The following HCN1 variants were observed in gnomAD, a reference collection of about 807,000 sequenced individuals.
The protein encoded by HCN1 is potassium/sodium hyperpolarization-activated cyclic nucleotide-gated channel 1.
In HCN1, 13 loss-of-function variants were observed where a neutral mutation model predicts 78.9. The observed-to-expected ratio is 0.16, with a 90% CI of 0.11 to 0.26. The LOEUF (loss-of-function observed/expected upper bound fraction) is 0.26. HCN1 is among the 10% of genes least tolerant of loss of function. The probability of loss-of-function intolerance (pLI) is 1.00; values close to 1 mark genes in which losing one functional copy is unlikely to be tolerated. For missense variants in HCN1, 810 were observed against 1,154.3 expected, an observed-to-expected ratio of 0.70 and a Z score of 4.32; for synonymous variants, 552 against 455.5, an observed-to-expected ratio of 1.21 and a Z score of -2.70.
At chr5:45,656,612 T>A (rs1165236615) in intron 1 of HCN1, among the ~76,000 whole-genome samples, 1 of 152,188 alleles carries the variant, frequency 6.6e-6, no homozygotes, top group Non-Finnish European at 1.5e-5. Context: ...ATGCTTTAGA[T>A]GTTATAATAT....
At chr5:45,330,868 T>A (rs1746329878) in intron 5 of HCN1, among the ~76,000 whole-genome samples, 1 of 151,184 alleles carries the variant, frequency 6.6e-6, no homozygotes, top group Non-Finnish European at 1.5e-5. Flanking sequence ...CTCAAAAGTA[T>A]GGGTTGCTTA....
chr5:45,644,356 G>A (rs1161719589), intron 2 of HCN1: 1 of 152,080 alleles, frequency 6.6e-6, no homozygotes, highest in African/African-American at 2.4e-5. Flanking sequence ...AGAAAAGGAA[G>A]TCAAAATGGT....
intron 4 of HCN1, among the ~76,000 whole-genome samples, chr5:45,378,087 A>G (rs1230630412): frequency 6.6e-6 from 1 of 151,984 alleles, no homozygotes; most frequent in Non-Finnish European, 1.5e-5. Flanking sequence ...ACTGGAGGGC[A>G]CCACAGAGAT....
At chr5:45,329,684 T>C (rs1746306659) in intron 5 of HCN1, among the ~76,000 whole-genome samples, 1 of 151,422 alleles carries the variant, frequency 6.6e-6, no homozygotes. Context: ...TTGGAATCTT[T>C]TTTAAATTAA....
intron 1 of HCN1, among the ~76,000 whole-genome samples, chr5:45,672,643 C>T (rs1031416172): frequency 2.0e-5 from 3 of 149,646 alleles, no homozygotes; most frequent in African/African-American, 7.3e-5. Flanking sequence ...AGACGGTTGC[C>T]ATATTTAATA....
chr5:45,344,939 C>G (rs559915786), intron 5 of HCN1, among the ~76,000 whole-genome samples: 30 of 152,188 alleles, frequency 2.0e-4, no homozygotes, highest in Admixed American at 1.9e-3. Context: ...GGGGTTCTGA[C>G]CTCACATTTC....
intron 5 of HCN1, among the ~76,000 whole-genome samples, chr5:45,339,471 T>G (rs1352574960): frequency 6.6e-6 from 1 of 152,078 alleles, no homozygotes; most frequent in African/African-American, 2.4e-5. Context: ...TCAATAATAC[T>G]CTATAGATGA....
rs147460877 is a variant in HCN1, at chr5:45,562,133, G to T, written c.849+83052C>A. ...ACTCCCAAATTTGTGGCTGGCATTT[G>T]AAGTGATAACAGTTTTCTTGGTGGC... is the stretch of plus-strand genomic sequence containing the variant. On this transcript the variant is annotated intron_variant, in intron 2 of 7. Coordinates refer to ENST00000303230, the MANE Select transcript of HCN1 (RefSeq NM_021072.4). 3.1e-4 allele frequency among the ~76,000 whole-genome samples: 47 copies of T among 152,174 alleles called. 1 individual carries two copies. The East Asian group carries it at 7.0e-3, about 23-fold the overall frequency.
At chr5:45,331,536 T>G (rs1477200297) in intron 5 of HCN1, among the ~76,000 whole-genome samples, 2 of 151,366 alleles carry the variant, frequency 1.3e-5, no homozygotes, top group Non-Finnish European at 3.0e-5. Flanking sequence ...CTTATTAATA[T>G]TTTACTTCAC....
chr5:45,611,702 T>C (rs1744841202), intron 2 of HCN1, among the ~76,000 whole-genome samples: 1 of 152,160 alleles, frequency 6.6e-6, no homozygotes, highest in Non-Finnish European at 1.5e-5. Flanking sequence ...AGAGAAGATA[T>C]TCAAATATGA....
At chr5:45,556,758 ATTCT>A (rs886846565) in intron 2 of HCN1, among the ~76,000 whole-genome samples, 6 of 151,778 alleles carry the variant, frequency 4.0e-5, no homozygotes, top group Admixed American at 6.6e-5. Context: ...TTTCCCTTAT[ATTCT>A]TTCCCCTCTA....
At chr5:45,567,887 T>C (rs1225239919) in intron 2 of HCN1, among the ~76,000 whole-genome samples, 5 of 138,726 alleles carry the variant, frequency 3.6e-5, no homozygotes, top group African/African-American at 1.4e-4. Flanking sequence ...GCATAACACC[T>C]CTATCTTACT....
chr5:45,692,544 T>A (rs1268600036), intron 1 of HCN1, among the ~76,000 whole-genome samples: 6 of 152,200 alleles, frequency 3.9e-5, no homozygotes, highest in African/African-American at 1.4e-4. Context: ...CCCAGTTATT[T>A]CAAACAGTAC....
intron 2 of HCN1, among the ~76,000 whole-genome samples, chr5:45,518,992 A>C (rs939925489): frequency 4.6e-5 from 7 of 151,776 alleles, no homozygotes; most frequent in African/African-American, 1.7e-4. Context: ...TAAAATTTAA[A>C]ACAAATATAT....
chr5:45,547,362 A>G (rs1216280784), intron 2 of HCN1, among the ~76,000 whole-genome samples: 4 of 151,982 alleles, frequency 2.6e-5, no homozygotes, highest in Non-Finnish European at 5.9e-5. Context: ...GCTCTATTCA[A>G]TATGACTTAG....
At chr5:45,485,858 T>C (rs1204517043) in intron 2 of HCN1, among the ~76,000 whole-genome samples, 1 of 152,158 alleles carries the variant, frequency 6.6e-6, no homozygotes, top group East Asian at 1.9e-4. Context: ...GATAACTACA[T>C]GTTTTCAGAA....
chr5:45,354,433 T>A (rs564258330), intron 4 of HCN1, among the ~76,000 whole-genome samples: 2 of 152,004 alleles, frequency 1.3e-5, no homozygotes, highest in African/African-American at 4.8e-5. Context: ...GTAACACACA[T>A]TTGATATACT....
intron 3 of HCN1, among the ~76,000 whole-genome samples, chr5:45,413,861 G>A (rs1465788120): frequency 6.6e-6 from 1 of 151,906 alleles, no homozygotes; most frequent in African/African-American, 2.4e-5. Context: ...GAAAAAAATA[G>A]ATTCATAATA....
Position 45,695,968 on chromosome 5 carries a change from C to T in HCN1, c.126G>A (p.Pro42=), listed in dbSNP as rs1740004296. The change falls in exon 1 of 8, where the codon CCG becomes CCA. Residue 42 remains proline (P), a synonymous_variant. Coordinates refer to ENST00000303230, the MANE Select transcript of HCN1 (RefSeq NM_021072.4). ...PAAAEKRLGT[P]PGGGGAGAKE... ...TCGCGCCGGCCCCGCCGCCCCCCGG[C>T]GGGGTGCCCAGGCGCTTCTCGGCCG... 7.5e-7 allele frequency: 1 copy of T among 1,324,552 alleles called. No homozygotes were observed. Among genetic ancestry groups the T allele is most frequent in the South Asian group, 2.0e-5 (1 of 49,524 alleles). 82.0% of individuals were successfully genotyped at this position (1,324,552 alleles called of 1,614,324 possible).
Sources: gnomAD v4.1 joint callset for allele counts (sites outside exome capture counted in the v4.1 genomes callset) on GRCh38, gnomAD v4.1.1 for gene constraint, MANE v1.5 for transcripts, NCBI Gene and HGNC (gene_info 2026-07-23, HGNC 2026-07-21) for gene names.